N4BP2: variants seen among roughly 807,000 people sequenced by gnomAD.
The protein encoded by N4BP2 is NEDD4-binding protein 2.
Under a neutral mutation model 152.8 loss-of-function variants are expected in N4BP2, and 91 were observed. That is an observed-to-expected ratio of 0.60 (90% CI 0.50 to 0.71). The LOEUF is 0.71. Ranked by LOEUF, N4BP2 falls within the 30% of genes least tolerant of loss-of-function variation. N4BP2 has a pLI of 0.00. For missense variants in N4BP2, 1,923 were observed against 2,059.1 expected (o/e 0.93, Z 1.28); for synonymous variants, 646 against 705.3 (o/e 0.92, Z 1.33).
the N4BP2 span, among the ~76,000 whole-genome samples, chr4:40,189,925 C>T: frequency 1.3e-5 from 2 of 151,780 alleles, no homozygotes; most frequent in Non-Finnish European, 2.9e-5. This position sits in a 1 kb window ranked among gnomAD's most constrained non-coding sequence, Gnocchi z 4.3. Flanking sequence ...GACACATACA[C>T]ACACACACAC....
chr4:40,152,985 T>C, intron 17 of N4BP2, 82 bp downstream of exon 17: 1 of 1,396,534 alleles, frequency 7.2e-7, no homozygotes, highest in Non-Finnish European at 1.0e-6. Context: ...TAGATTTCTG[T>C]TATTGATAAT....
chr4:40,139,553 G>T (rs188046958), intron 14 of N4BP2, among the ~76,000 whole-genome samples: 3 of 145,454 alleles, frequency 2.1e-5, no homozygotes, highest in Non-Finnish European at 4.5e-5. Context: ...GTGCAGTGGC[G>T]CGATCTCGGC....
chr4:40,163,731 C>G, the N4BP2 span, among the ~76,000 whole-genome samples: 4 of 152,180 alleles, frequency 2.6e-5, no homozygotes, highest in African/African-American at 4.8e-5. Context: ...CATTGAGCCC[C>G]TGAATTAACT....
At chr4:40,077,974 C>G (rs1325282937) in intron 2 of N4BP2, 2 of 152,036 alleles carry the variant, frequency 1.3e-5, no homozygotes, top group Non-Finnish European at 2.9e-5. Flanking sequence ...TGAAGTGTTC[C>G]ATATTTTTAG....
chr4:40,175,681 G>A, the N4BP2 span, among the ~76,000 whole-genome samples: 20 of 152,030 alleles, frequency 1.3e-4, 1 homozygote, highest in South Asian at 4.2e-3. Context: ...GGTGGCGGGC[G>A]CCTGTGGTCC....
chr4:40,187,362 A>T, the N4BP2 span, among the ~76,000 whole-genome samples: 3 of 147,746 alleles, frequency 2.0e-5, no homozygotes, highest in African/African-American at 7.3e-5. Context: ...GCAAAAAAAA[A>T]TTTAAATGGC....
At chr4:40,152,665 A>G (rs1312824940) in intron 16 of N4BP2, 115 bp from the exon 17 acceptor site, 2 of 1,160,152 alleles carry the variant, frequency 1.7e-6, no homozygotes, top group Non-Finnish European at 2.5e-6. Flanking sequence ...TTGAGATGGC[A>G]AACCCCAAAA....
intron 3 of N4BP2, among the ~76,000 whole-genome samples, chr4:40,098,332 T>C (rs538842628): frequency 2.8e-4 from 42 of 152,348 alleles, no homozygotes; most frequent in African/African-American, 9.4e-4. Flanking sequence ...GGTAGAAATA[T>C]AACAGTATGT....
chr4:40,091,387 G>A (rs935910004), intron 2 of N4BP2, among the ~76,000 whole-genome samples: 1 of 151,974 alleles, frequency 6.6e-6, no homozygotes, highest in Admixed American at 6.6e-5. Flanking sequence ...TACAATGTCA[G>A]CTGTAGGTTT....
chr4:40,074,493 G>A (rs560092926), intron 2 of N4BP2, among the ~76,000 whole-genome samples: 1 of 152,142 alleles, frequency 6.6e-6, no homozygotes, highest in South Asian at 2.1e-4. Flanking sequence ...ACAGGTGTGA[G>A]CCACCACGCC....
the N4BP2 span, among the ~76,000 whole-genome samples, chr4:40,164,843 A>G: frequency 6.6e-6 from 1 of 152,140 alleles, no homozygotes; most frequent in African/African-American, 2.4e-5. Context: ...CCATTATTTC[A>G]GATTATTGTG....
At chr4:40,142,155 A>G in intron 14 of N4BP2, 1 of 167,266 alleles carries the variant, frequency 6.0e-6, no homozygotes, top group Admixed American at 6.2e-5. Flanking sequence ...GGAGAGGGAG[A>G]GGGAGAGGGC....
At chr4:40,141,534 C>T (rs1355434504) in intron 14 of N4BP2, among the ~76,000 whole-genome samples, 25 of 151,820 alleles carry the variant, frequency 1.6e-4, no homozygotes, top group African/African-American at 5.8e-4. Flanking sequence ...GGGATGGCGG[C>T]CGGGAAGAGG....
intron 2 of N4BP2, among the ~76,000 whole-genome samples, chr4:40,087,325 G>A (rs1714075716): frequency 1.3e-5 from 2 of 151,762 alleles, no homozygotes; most frequent in Non-Finnish European, 2.9e-5. Flanking sequence ...TACAGAGAGG[G>A]GAGTTTCATT....
intron 2 of N4BP2, among the ~76,000 whole-genome samples, chr4:40,092,072 G>C (rs1382101786): frequency 1.2e-5 from 1 of 83,708 alleles, no homozygotes; most frequent in Non-Finnish European, 2.2e-5. Context: ...CTAGTATTTT[G>C]TTAAGGATTT....
chr4:40,083,062 T>C, intron 2 of N4BP2: 1 of 251,288 alleles, frequency 4.0e-6, no homozygotes, highest in Non-Finnish European at 8.2e-6. Flanking sequence ...CCCGTATACT[T>C]CAGCCCACGC....
intron 13 of N4BP2, among the ~76,000 whole-genome samples, chr4:40,133,806 T>G (rs542742706): frequency 1.8e-4 from 28 of 152,128 alleles, no homozygotes; most frequent in East Asian, 3.9e-4. Flanking sequence ...ATATACTTTT[T>G]TGTGTGTGTG....
At chr4:40,149,876 G>A (rs1472447728) in intron 16 of N4BP2, among the ~76,000 whole-genome samples, 2 of 148,430 alleles carry the variant, frequency 1.3e-5, no homozygotes, top group Non-Finnish European at 3.0e-5. Context: ...CAGCCTGGGT[G>A]ACAGAGCGAG....
chr4:40,120,068 C>T lies in N4BP2; in HGVS notation c.1957C>T (p.Leu653Phe). ...ETMLPENVAY[L>F]SNADLNKRRK... ...AATGTTACCTGAGAATGTTGCATAT[C>T]TCTCTAATGCAGATTTAAACAAAAG... The change falls in exon 9 of 18, where the codon CTC (leucine) becomes TTC (phenylalanine). Residue 653 changes from leucine (L) to phenylalanine (F), a missense_variant. Transcript: ENST00000261435. 1 of 1,610,910 alleles carries T rather than the reference C, an allele frequency of 6.2e-7. No individual in the cohort carries two copies. Among genetic ancestry groups the T allele is most frequent in the Non-Finnish European group, 8.5e-7 (1 of 1,177,714 alleles).
Sources: gnomAD v4.1 joint callset for allele counts (sites outside exome capture counted in the v4.1 genomes callset) on GRCh38, gnomAD v4.1.1 for gene constraint, Gnocchi (gnomAD v3.1) non-coding constraint, MANE v1.5 for transcripts, NCBI Gene and HGNC (gene_info 2026-07-23, HGNC 2026-07-21) for gene names.